The following ALDH2 variants were observed in gnomAD, a reference collection of about 807,000 sequenced individuals.
ALDH2 encodes the protein aldehyde dehydrogenase 2 family member.
ALDH2 carries 44 observed loss-of-function variants against 59.6 expected under a neutral mutation model. The ratio of observed to expected loss-of-function variants is 0.74; its 90% CI spans 0.58 to 0.95. The LOEUF is 0.95. Among genes scored for constraint, ALDH2 ranks in the 40% least tolerant of loss-of-function variants. ALDH2 has a pLI of 0.00. For synonymous variants in ALDH2, 291 were observed against 284.0 expected (o/e 1.02, Z -0.25); for missense variants, 570 against 696.3 (o/e 0.82, Z 2.04).
intron 12 of ALDH2, among the ~76,000 whole-genome samples, chr12:111,809,098 G>A (rs1396790541): frequency 6.6e-6 from 1 of 152,160 alleles, no homozygotes; most frequent in East Asian, 1.9e-4. Context: ...TGGAGCTCCA[G>A]GGGCAAGACC....
intron 1 of ALDH2, among the ~76,000 whole-genome samples, chr12:111,776,063 T>A (rs1330376346): frequency 3.9e-5 from 6 of 152,170 alleles, no homozygotes; most frequent in Non-Finnish European, 8.8e-5. Context: ...AAGGCAAACA[T>A]GCCAGGGAGT....
intron 1 of ALDH2, among the ~76,000 whole-genome samples, chr12:111,772,937 C>G (rs1218180556): frequency 7.3e-6 from 1 of 137,030 alleles, no homozygotes; most frequent in African/African-American, 2.8e-5. Context: ...AGTGAGACTC[C>G]GTCTCAAAAA....
intron 11 of ALDH2, among the ~76,000 whole-genome samples, chr12:111,803,224 A>G (rs1259976647): frequency 6.6e-6 from 1 of 150,884 alleles, no homozygotes; most frequent in Non-Finnish European, 1.5e-5. Flanking sequence ...AAATAAAAAT[A>G]AATAAATAAA....
At chr12:111,797,987 A>C in intron 9 of ALDH2, 91 bp from the exon 10 acceptor site, 1 of 1,480,110 alleles carries the variant, frequency 6.8e-7, no homozygotes, top group Non-Finnish European at 9.3e-7. Context: ...TCCATTTCCC[A>C]GTTGTCTTGT....
At chr12:111,774,698 A>G (rs1368307385) in intron 1 of ALDH2, among the ~76,000 whole-genome samples, 1 of 152,120 alleles carries the variant, frequency 6.6e-6, no homozygotes, top group Admixed American at 6.5e-5. Flanking sequence ...GCAGATGATA[A>G]CCACCCATTG....
Position 111,792,134 on chromosome 12 carries a change from G to A in ALDH2, c.869G>A (p.Ser290Asn), listed in dbSNP as rs372262254. 6 of 1,606,944 alleles carry A rather than the reference G, an allele frequency of 3.7e-6. No individual in the cohort carries two copies. Among genetic ancestry groups the A allele is most frequent in the Non-Finnish European group, 5.1e-6 (6 of 1,178,272 alleles). The change falls in exon 8 of 13, where the codon AGC (serine) becomes AAC (asparagine). Residue 290 changes from serine to asparagine, a missense_variant. Transcript: ENST00000261733. ...GTGACCTTGGAGCTGGGGGGGAAGA[G>A]CCCCAACATCATCATGTCAGATGCC... ...KRVTLELGGKSPNIIMSDADM... is the reference protein window; with the variant it reads ...KRVTLELGGKNPNIIMSDADM...
At chr12:111,771,110 C>T (rs868181378) in intron 1 of ALDH2, among the ~76,000 whole-genome samples, 8 of 152,076 alleles carry the variant, frequency 5.3e-5, no homozygotes, top group Middle Eastern at 3.4e-3. Context: ...GATGGATTTC[C>T]CAAGGCTAGG....
chr12:111,773,029 C>G (rs1410656033), intron 1 of ALDH2, among the ~76,000 whole-genome samples: 1 of 150,276 alleles, frequency 6.7e-6, no homozygotes, highest in Admixed American at 6.6e-5. Context: ...GAGGCCGAGG[C>G]AGGCGGATCA....
At chr12:111,798,667 T>C (rs1349107009) in intron 10 of ALDH2, among the ~76,000 whole-genome samples, 2 of 152,248 alleles carry the variant, frequency 1.3e-5, no homozygotes, top group East Asian at 3.9e-4. Context: ...TCTGAGTAGC[T>C]GGGACTACAG....
intron 12 of ALDH2, among the ~76,000 whole-genome samples, chr12:111,804,238 T>C (rs1004124857): frequency 1.3e-5 from 2 of 152,148 alleles, no homozygotes; most frequent in African/African-American, 4.8e-5. Flanking sequence ...ATTTCCCATT[T>C]TAAGCCTGAG....
chr12:111,807,297 CA>C (rs1467543719), intron 12 of ALDH2, among the ~76,000 whole-genome samples: 2 of 150,958 alleles, frequency 1.3e-5, no homozygotes, highest in Non-Finnish European at 3.0e-5. Context: ...AAAAAAAAAA[CA>C]GTAGAATGAG....
At position 111,809,523 on chromosome 12, in the gene ALDH2, C is replaced by G. The variant is rs777694079; in HGVS notation, c.1522-20C>G. The G allele has an allele frequency of 6.2e-7, 1 of 1,614,114 alleles. No homozygotes were observed. Among genetic ancestry groups the G allele is most frequent in the East Asian group, 2.2e-5 (1 of 44,888 alleles). On this transcript the variant is annotated intron_variant, in intron 12 of 12. Transcript: ENST00000261733. The stretch of plus-strand genomic sequence containing the variant: ...ACAGGGAAGCAGGAAGATCTAACGG[C>G]TTCTCTGTCCCCCTTACAGGTCACA...
chr12:111,785,279 C>T lies in ALDH2; in HGVS notation c.373C>T (p.Leu125=). The T allele has an allele frequency of 6.2e-7, 1 of 1,613,990 alleles. No homozygotes were observed. The highest frequency in any genetic ancestry group is 8.5e-7 in the Non-Finnish European group (1 of 1,179,880). The stretch of plus-strand genomic sequence containing the variant: ...GTTTTCTTCTCAGGCCTTGGAGACC[C>T]TGGACAATGGCAAGCCCTATGTCAT... ...DRTYLAALET[L]DNGKPYVISY... Residue 125 remains leucine, a synonymous_variant, in exon 4 of 13, where the codon CTG becomes TTG. Transcript: ENST00000261733.
chr12:111,770,256 T>C (rs1005525335), intron 1 of ALDH2, among the ~76,000 whole-genome samples: 1 of 152,196 alleles, frequency 6.6e-6, no homozygotes, highest in Non-Finnish European at 1.5e-5. Context: ...TCATGGCCAC[T>C]GGTGCCTCCA....
chr12:111,798,485 G>A (rs2068423450), intron 10 of ALDH2, among the ~76,000 whole-genome samples: 1 of 152,118 alleles, frequency 6.6e-6, no homozygotes, highest in East Asian at 1.9e-4. Context: ...AGGCCTTGGT[G>A]TCCTGGCCCT....
intron 9 of ALDH2, among the ~76,000 whole-genome samples, chr12:111,795,404 T>A (rs568134360): frequency 6.6e-6 from 1 of 152,132 alleles, no homozygotes; most frequent in Admixed American, 6.6e-5. Flanking sequence ...TGTCTCAGCC[T>A]CCTGAGTAGG....
At chr12:111,792,840 G>A (rs971069942) in intron 9 of ALDH2, 58 bp downstream of exon 9, 2 of 1,500,430 alleles carry the variant, frequency 1.3e-6, no homozygotes, top group Non-Finnish European at 8.9e-7. Context: ...GAAGCAGAGA[G>A]GGCATCGGGC....
chr12:111,787,039 T>A (rs935453624), intron 4 of ALDH2, among the ~76,000 whole-genome samples: 2 of 151,926 alleles, frequency 1.3e-5, no homozygotes, highest in African/African-American at 4.8e-5. Context: ...ACCCCATCTC[T>A]ACTAAATATA....
intron 1 of ALDH2, among the ~76,000 whole-genome samples, chr12:111,776,322 G>A (rs1463736815): frequency 2.0e-5 from 3 of 152,136 alleles, no homozygotes; most frequent in Non-Finnish European, 4.4e-5. Context: ...AACACTGCAG[G>A]ACCCCCTGCG....
Sources: gnomAD v4.1 joint callset for allele counts (sites outside exome capture counted in the v4.1 genomes callset) on GRCh38, gnomAD v4.1.1 for gene constraint, MANE v1.5 for transcripts, NCBI Gene and HGNC (gene_info 2026-07-23, HGNC 2026-07-21) for gene names.